Variants in IQCM observed in about 807,000 individuals in gnomAD.
The protein encoded by IQCM is IQ domain-containing protein M.
IQCM carries 45 observed loss-of-function variants against 57.6 expected under a neutral mutation model. That is an observed-to-expected ratio of 0.78 (90% CI 0.62 to 1.00). The LOEUF (loss-of-function observed/expected upper bound fraction) is 1.00. Ranked by LOEUF, IQCM falls within the 50% of genes least tolerant of loss-of-function variation. The probability of loss-of-function intolerance (pLI) is 0.00; values close to 1 mark genes in which losing one functional copy is unlikely to be tolerated. For missense variants in IQCM, 468 were observed against 511.6 expected (o/e 0.91, Z 0.82); for synonymous variants, 148 against 158.9 (o/e 0.93, Z 0.51).
At chr4:149,633,587 T>C (rs1757476927) in intron 7 of IQCM, among the ~76,000 whole-genome samples, 1 of 152,244 alleles carries the variant, frequency 6.6e-6, no homozygotes, top group Admixed American at 6.5e-5. Context: ...CATAATGTGG[T>C]TCTTTTGAGA....
intron 12 of IQCM, among the ~76,000 whole-genome samples, chr4:149,485,282 C>T (rs1317180319): frequency 6.6e-6 from 1 of 151,888 alleles, no homozygotes; most frequent in African/African-American, 2.4e-5. Context: ...GATATTATTC[C>T]TTAGAATAAA....
At chr4:149,540,645 C>T (rs1343258399) in intron 12 of IQCM, among the ~76,000 whole-genome samples, 1 of 152,006 alleles carries the variant, frequency 6.6e-6, no homozygotes, top group African/African-American at 2.4e-5. Flanking sequence ...TTGTGAGCTG[C>T]GATTTGCACC....
At chr4:149,425,110 A>G (rs1734375117) in intron 13 of IQCM, among the ~76,000 whole-genome samples, 1 of 152,064 alleles carries the variant, frequency 6.6e-6, no homozygotes, top group Non-Finnish European at 1.5e-5. Context: ...GCTATCATAT[A>G]GATTATGAAG....
chr4:149,724,768 G>C (rs989798826), intron 5 of IQCM, among the ~76,000 whole-genome samples: 7 of 151,918 alleles, frequency 4.6e-5, no homozygotes, highest in African/African-American at 1.5e-4. Flanking sequence ...ATTCCTGAGA[G>C]AATGCAAATT....
At chr4:149,693,002 A>C (rs1763053218) in intron 5 of IQCM, among the ~76,000 whole-genome samples, 1 of 152,190 alleles carries the variant, frequency 6.6e-6, no homozygotes, top group South Asian at 2.1e-4. Context: ...GTATGAGCTG[A>C]CAGGCAAAAA....
intron 8 of IQCM, among the ~76,000 whole-genome samples, chr4:149,611,988 G>A (rs1041969257): frequency 4.0e-5 from 6 of 151,498 alleles, no homozygotes; most frequent in African/African-American, 1.5e-4. Flanking sequence ...AAAGAAAAGA[G>A]GTTTAATTGA....
intron 13 of IQCM, among the ~76,000 whole-genome samples, chr4:149,359,023 G>A (rs935144905): frequency 6.6e-6 from 1 of 151,498 alleles, no homozygotes; most frequent in Admixed American, 6.6e-5. Context: ...CCTAAAGAAG[G>A]GGACATCAAG....
At chr4:149,557,470 A>G (rs1260229582) in intron 10 of IQCM, among the ~76,000 whole-genome samples, 1 of 152,132 alleles carries the variant, frequency 6.6e-6, no homozygotes, top group Non-Finnish European at 1.5e-5. Flanking sequence ...ATTCTTGATC[A>G]CCAACCTCAA....
At chr4:149,424,723 C>A (rs115137274) in intron 13 of IQCM, among the ~76,000 whole-genome samples, 3,849 of 151,754 alleles carry the variant, frequency 0.025, 135 homozygotes, top group African/African-American at 0.085. Context: ...CATGGAATTC[C>A]ATCTTCTTTA....
chr4:149,601,208 TAGAAGA>T (rs149609399), intron 8 of IQCM, among the ~76,000 whole-genome samples: 152,189 of 152,252 alleles, frequency 1, 76,063 homozygotes, highest in Middle Eastern at 1. Flanking sequence ...GACCTAAGAT[TAGAAGA>T]TTAGAATCTT....
At chr4:149,421,939 A>G (rs1285964284) in intron 13 of IQCM, among the ~76,000 whole-genome samples, 3 of 152,042 alleles carry the variant, frequency 2.0e-5, no homozygotes, top group African/African-American at 4.8e-5. Context: ...TTGAACTGAG[A>G]TTTACATAAT....
At chr4:149,629,955 TG>T (rs2150090607) in intron 7 of IQCM, among the ~76,000 whole-genome samples, 1 of 121,472 alleles carries the variant, frequency 8.2e-6, no homozygotes, top group South Asian at 2.7e-4. Flanking sequence ...ATGCCCTCAA[TG>T]GCACCTTTTT....
chr4:149,476,109 T>C (rs1740158685), intron 12 of IQCM, among the ~76,000 whole-genome samples: 1 of 152,036 alleles, frequency 6.6e-6, no homozygotes, highest in South Asian at 2.1e-4. Flanking sequence ...TGAAAATTAC[T>C]GTAGTAATGG....
chr4:149,573,007 G>T (rs1368224001), intron 9 of IQCM, among the ~76,000 whole-genome samples: 3 of 151,686 alleles, frequency 2.0e-5, no homozygotes, highest in African/African-American at 7.2e-5. Context: ...AAAGCTATAT[G>T]CATGAAGACA....
intron 12 of IQCM, among the ~76,000 whole-genome samples, chr4:149,444,428 T>C (rs958870278): frequency 6.6e-6 from 1 of 151,946 alleles, no homozygotes; most frequent in African/African-American, 2.4e-5. Context: ...TCCCTCTGTT[T>C]TGTGCATGAT....
chr4:149,677,044 A>G (rs1175202216), intron 7 of IQCM, among the ~76,000 whole-genome samples: 1 of 152,022 alleles, frequency 6.6e-6, no homozygotes, highest in Non-Finnish European at 1.5e-5. Context: ...GCCTCACTCC[A>G]CATTCTTCCT....
intron 9 of IQCM, among the ~76,000 whole-genome samples, chr4:149,564,743 G>C (rs1470089559): frequency 6.6e-6 from 1 of 152,088 alleles, no homozygotes; most frequent in Non-Finnish European, 1.5e-5. Flanking sequence ...GGCTCTCCTT[G>C]CTCCTCAGCC....
chr4:149,467,042 A>T (rs182838219), intron 12 of IQCM, among the ~76,000 whole-genome samples: 6 of 152,272 alleles, frequency 3.9e-5, no homozygotes, highest in African/African-American at 1.4e-4. Context: ...TGCATATATG[A>T]ATTTCTTTTG....
chr4:149,580,672 T>C (rs1579568354), intron 9 of IQCM, among the ~76,000 whole-genome samples: 1 of 151,836 alleles, frequency 6.6e-6, no homozygotes, highest in East Asian at 2.0e-4. Flanking sequence ...GCATCATTAA[T>C]AACTGAGATA....
Sources: allele counts gnomAD v4.1 joint callset (sites outside exome capture counted in the v4.1 genomes callset), GRCh38; gene constraint gnomAD v4.1.1; transcripts MANE v1.5; gene names NCBI Gene and HGNC (gene_info 2026-07-23, HGNC 2026-07-21).